The following GIMAP8 variants were observed in gnomAD, a reference collection of about 807,000 sequenced individuals.
GIMAP8 encodes the protein GTPase IMAP family member 8.
A neutral mutation model predicts 35.6 loss-of-function variants in GIMAP8; 29 were observed. The observed-to-expected ratio is 0.81, with a 90% CI of 0.61 to 1.11. The LOEUF (loss-of-function observed/expected upper bound fraction) is 1.11. Ranked by LOEUF, GIMAP8 falls within the 50% of genes most tolerant of loss-of-function variation. The pLI, the probability that GIMAP8 is intolerant of heterozygous loss-of-function variation, is 0.00. For synonymous variants in GIMAP8, 335 were observed against 308.7 expected (o/e 1.09, Z -0.89); for missense variants, 811 against 805.0 (o/e 1.01, Z -0.09).
intron 2 of GIMAP8, among the ~76,000 whole-genome samples, chr7:150,469,080 G>C (rs1802034614): frequency 6.6e-6 from 1 of 152,168 alleles, no homozygotes; most frequent in South Asian, 2.1e-4. Flanking sequence ...TGATCATAAG[G>C]TAAAGTTCAG....
chr7:150,473,860 T>G, intron 3 of GIMAP8, 152 bp from the exon 4 acceptor site: 1 of 751,602 alleles, frequency 1.3e-6, no homozygotes, highest in Non-Finnish European at 2.2e-6. Flanking sequence ...TTCACCTTGA[T>G]GGAGAGCTTC....
intron 1 of GIMAP8, among the ~76,000 whole-genome samples, chr7:150,462,596 T>C (rs1401253159): frequency 6.6e-6 from 1 of 152,228 alleles, no homozygotes; most frequent in African/African-American, 2.4e-5. Context: ...TTCTGAAGGA[T>C]AGTGTTGCTG....
chr7:150,452,685 T>G (rs1282041122), intron 1 of GIMAP8, among the ~76,000 whole-genome samples: 2 of 99,450 alleles, frequency 2.0e-5, no homozygotes, highest in African/African-American at 7.4e-5. Context: ...GATATATATA[T>G]ATATATATAT....
chr7:150,456,135 G>T (rs1487961430), intron 1 of GIMAP8, among the ~76,000 whole-genome samples: 1 of 152,142 alleles, frequency 6.6e-6, no homozygotes, highest in Non-Finnish European at 1.5e-5. Flanking sequence ...CTGTCATCTG[G>T]TAGAGCTGGG....
At chr7:150,456,739 G>C (rs1385586936) in intron 1 of GIMAP8, among the ~76,000 whole-genome samples, 2 of 152,220 alleles carry the variant, frequency 1.3e-5, no homozygotes, top group Non-Finnish European at 2.9e-5. Flanking sequence ...GTGTAAAAGA[G>C]AAGGGGATTA....
chr7:150,474,241 G>T lies in GIMAP8; in HGVS notation c.912G>T (p.Pro304=). 1 of 1,614,120 alleles carries T rather than the reference G, an allele frequency of 6.2e-7. No homozygotes were observed. The highest frequency in any genetic ancestry group is 8.5e-7 in the Non-Finnish European group (1 of 1,180,016). ...RKKKVSIIDA[P]DISSLKNIDS... is the part of the protein sequence containing the mutation. ...AGAAAGTTTCGATCATTGATGCTCC[G>T]GACATCTCATCTTTAAAGAACATTG... Residue 304 remains proline (P), a synonymous_variant, in exon 4 of 5, where the codon CCG becomes CCT. Coordinates refer to ENST00000307271, the MANE Select transcript of GIMAP8 (RefSeq NM_175571.4).
intron 1 of GIMAP8, among the ~76,000 whole-genome samples, chr7:150,453,050 C>T (rs1801653793): frequency 6.6e-6 from 1 of 151,882 alleles, no homozygotes; most frequent in African/African-American, 2.4e-5. Context: ...GGAGTTTCAG[C>T]ACATGCTGTT....
At chr7:150,458,583 C>T (rs1169843442) in intron 1 of GIMAP8, among the ~76,000 whole-genome samples, 1 of 152,172 alleles carries the variant, frequency 6.6e-6, no homozygotes, top group Non-Finnish European at 1.5e-5. Context: ...CATGTCCTCA[C>T]CTTATCCATC....
In GIMAP8 at chr7:150,477,263, CT is replaced by C; in HGVS notation, c.1482del (p.Pro495LeufsTer16). 1 of 1,614,128 alleles carries C rather than the reference CT, an allele frequency of 6.2e-7. No individual in the cohort carries two copies. The highest frequency in any genetic ancestry group is 8.5e-7 in the Non-Finnish European group (1 of 1,180,022). ...GGACAGGAGGTGGTGGTTGTGGACA[CT>C]CCTTCCTTCAACCAGATGCTGGATG... ...WDGQEVVVVD[T>X]PSFNQMLDVE... On this transcript the variant is annotated frameshift_variant, in exon 5 of 5. Transcript: ENST00000307271. LOFTEE classifies it low-confidence loss of function (END_TRUNC).
intron 1 of GIMAP8, among the ~76,000 whole-genome samples, chr7:150,452,683 T>G (rs1387992716): frequency 1.6e-4 from 15 of 96,652 alleles, no homozygotes; most frequent in Admixed American, 8.3e-4. Context: ...GAGATATATA[T>G]ATATATATAT....
intron 1 of GIMAP8, among the ~76,000 whole-genome samples, chr7:150,461,796 T>C (rs544514056): frequency 5.3e-5 from 8 of 152,254 alleles, no homozygotes; most frequent in Non-Finnish European, 1.2e-4. Flanking sequence ...TTAAGGTTGT[T>C]ACTGATAGAT....
intron 2 of GIMAP8, 47 bp from the exon 3 acceptor site, chr7:150,470,768 TCAGTTTGTGGAAGA>T: frequency 5.7e-6 from 3 of 521,946 alleles, no homozygotes; most frequent in Non-Finnish European, 1.0e-5. Flanking sequence ...TTTTTTTTTT[TCAGTTTGTGGAAGA>T]TGAGGTTTTA....
At chr7:150,455,532 C>G (rs947041838) in intron 1 of GIMAP8, among the ~76,000 whole-genome samples, 2 of 152,204 alleles carry the variant, frequency 1.3e-5, no homozygotes, top group African/African-American at 4.8e-5. Context: ...CCTACGGGCA[C>G]TTGGCGTCTG....
intron 3 of GIMAP8, among the ~76,000 whole-genome samples, chr7:150,471,249 T>C (rs1802083566): frequency 6.6e-6 from 1 of 152,234 alleles, no homozygotes; most frequent in South Asian, 2.1e-4. Flanking sequence ...ACTTGGAGAA[T>C]TCTCTGATGG....
intron 4 of GIMAP8, 89 bp downstream of exon 4, chr7:150,474,727 C>CT (rs367882588): frequency 0.015 from 13,380 of 872,428 alleles, 108 homozygotes; most frequent in Non-Finnish European, 0.015. Context: ...TCTTTTTTTT[C>CT]TTTTTTTTTA....
Position 150,477,870 on chromosome 7 carries a change from C to A in GIMAP8, c.*90C>A, listed in dbSNP as rs1167076243. The stretch of plus-strand genomic sequence containing the variant: ...ATGGTACAACCTGTGGGAAGGGAAG[C>A]GGGTTCATGGCTTTGAGGGCCTGAG... On this transcript the variant is annotated 3_prime_UTR_variant, in exon 5 of 5. Coordinates refer to ENST00000307271, the MANE Select transcript of GIMAP8 (RefSeq NM_175571.4). The A allele has an allele frequency of 6.8e-6, 7 of 1,035,078 alleles. No homozygotes were observed. Among genetic ancestry groups the A allele is most frequent in the Non-Finnish European group, 9.9e-6 (7 of 708,936 alleles). 64.1% of individuals were successfully genotyped at this position (1,035,078 alleles called of 1,614,324 possible).
At position 150,474,087 on chromosome 7, in the gene GIMAP8, T is replaced by C. The variant is rs1802165363; in HGVS notation, c.758T>C (p.Val253Ala). 6 of 1,614,044 alleles carry C rather than the reference T, an allele frequency of 3.7e-6. No homozygotes were observed. Among genetic ancestry groups the C allele is most frequent in the South Asian group, 3.3e-5 (3 of 91,084 alleles). The change falls in exon 4 of 5, where the codon GTG becomes GCG. Residue 253 changes from valine (V) to alanine (A), a missense_variant. Coordinates refer to ENST00000307271, the MANE Select transcript of GIMAP8 (RefSeq NM_175571.4). ...PGTSELTVLL[V>A]GKRGAGKSAA... ...ACATCAGAACTGACAGTCCTCCTTG[T>C]GGGGAAACGCGGTGCTGGAAAAAGT...
intron 2 of GIMAP8, among the ~76,000 whole-genome samples, chr7:150,468,781 G>A (rs1354253198): frequency 6.6e-6 from 1 of 152,154 alleles, no homozygotes; most frequent in African/African-American, 2.4e-5. Flanking sequence ...GGAAATAAGA[G>A]AGAAATCATT....
At position 150,472,847 on chromosome 7, in the gene GIMAP8, G is replaced by C. The variant is rs538559106; in HGVS notation, c.683-1165G>C. Among the ~76,000 whole-genome samples the C allele has an allele frequency of 2.6e-5, 4 of 152,242 alleles. No individual in the cohort carries two copies. Among genetic ancestry groups the C allele is most frequent in the East Asian group, 3.9e-4 (2 of 5,178 alleles). On this transcript the variant is annotated intron_variant, in intron 3 of 4. Coordinates refer to ENST00000307271, the MANE Select transcript of GIMAP8 (RefSeq NM_175571.4). The surrounding 1 kb of genome is among the most constrained non-coding windows in gnomAD (Gnocchi z 4.1). ...TCCTGAAGTCTGTAAAGGAGAGTAG[G>C]GGGGAGTGTGAGGGAGGGAGGGGCA...
Sources: gnomAD v4.1 joint callset for allele counts (sites outside exome capture counted in the v4.1 genomes callset) on GRCh38, gnomAD v4.1.1 for gene constraint, Gnocchi (gnomAD v3.1) non-coding constraint, MANE v1.5 for transcripts, NCBI Gene and HGNC (gene_info 2026-07-23, HGNC 2026-07-21) for gene names.